Variants in XPR1 observed in about 807,000 individuals in gnomAD.
The protein encoded by XPR1 is solute carrier family 53 member 1.
XPR1 carries 28 observed loss-of-function variants against 87.5 expected under a neutral mutation model. That is an observed-to-expected ratio of 0.32 (90% CI 0.24 to 0.44). The LOEUF is 0.44. Ranked by LOEUF, XPR1 falls within the 20% of genes least tolerant of loss-of-function variation. The pLI is 1.00. For missense variants in XPR1, 559 were observed against 862.3 expected (o/e 0.65, Z 4.41); for synonymous variants, 300 against 306.1 (o/e 0.98, Z 0.21).
At chr1:180,783,305 G>C (rs1199067771) in intron 2 of XPR1, among the ~76,000 whole-genome samples, 1 of 151,828 alleles carries the variant, frequency 6.6e-6, no homozygotes, top group Non-Finnish European at 1.5e-5. Flanking sequence ...GGGCTGTTTA[G>C]TTTTTATTAT....
intron 7 of XPR1, among the ~76,000 whole-genome samples, chr1:180,817,058 G>T (rs1005013755): frequency 1.3e-5 from 2 of 151,936 alleles, no homozygotes; most frequent in Non-Finnish European, 1.5e-5. Context: ...GCTAATATGT[G>T]TGTTAATGCC....
intron 1 of XPR1, among the ~76,000 whole-genome samples, chr1:180,660,372 T>G (rs891158507): frequency 7.9e-5 from 12 of 152,114 alleles, no homozygotes; most frequent in Non-Finnish European, 1.2e-4. Context: ...ATCTTTATTA[T>G]TTCTTTTCTT....
intron 2 of XPR1, among the ~76,000 whole-genome samples, chr1:180,743,545 C>A (rs957183959): frequency 1.8e-4 from 28 of 152,048 alleles, no homozygotes; most frequent in African/African-American, 6.8e-4. Context: ...AAGAATAGTT[C>A]ATTATATATA....
At chr1:180,682,062 C>A (rs1307328364) in intron 1 of XPR1, among the ~76,000 whole-genome samples, 1 of 152,074 alleles carries the variant, frequency 6.6e-6, no homozygotes, top group African/African-American at 2.4e-5. Flanking sequence ...CTGTTTTCTT[C>A]AGTGTTTTTT....
chr1:180,682,284 A>G, intron 1 of XPR1, 76 bp from the exon 2 acceptor site: 1 of 1,193,084 alleles, frequency 8.4e-7, no homozygotes, highest in Non-Finnish European at 1.2e-6. Context: ...ATTGAAAAAG[A>G]ACTGTTTAGC....
At chr1:180,827,965 C>T (rs1305759577) in intron 9 of XPR1, among the ~76,000 whole-genome samples, 1 of 151,838 alleles carries the variant, frequency 6.6e-6, no homozygotes, top group Non-Finnish European at 1.5e-5. Flanking sequence ...CAACCTCCAC[C>T]TCCCAGGTTC....
chr1:180,653,526 T>TC lies in XPR1; in HGVS notation c.69+21263dup, dbSNP rs146444568. ...GCAATTATTGGGCAAGGTACAGTAG[T>TC]CCCCCCCTTATCCACAGGGGATACA... On this transcript the variant is annotated intron_variant, in intron 1 of 14. Coordinates refer to ENST00000367590, the MANE Select transcript of XPR1 (RefSeq NM_004736.4). 7.9e-5 allele frequency among the ~76,000 whole-genome samples: 12 copies of TC among 151,436 alleles called. No individual in the cohort carries two copies. The East Asian group carries it at 9.7e-4, about 12-fold the overall frequency.
intron 1 of XPR1, among the ~76,000 whole-genome samples, chr1:180,643,833 T>A (rs1655029926): frequency 6.6e-6 from 1 of 152,062 alleles, no homozygotes; most frequent in Admixed American, 6.6e-5. Context: ...ACTGAAGGGA[T>A]AAATAAATGC....
chr1:180,637,805 C>T (rs948533431), intron 1 of XPR1, among the ~76,000 whole-genome samples: 2 of 152,180 alleles, frequency 1.3e-5, no homozygotes, highest in Non-Finnish European at 2.9e-5. Flanking sequence ...CCGCCTGCCT[C>T]AGCCTCCCAA....
intron 2 of XPR1, among the ~76,000 whole-genome samples, chr1:180,684,796 T>C (rs1455437977): frequency 6.6e-6 from 1 of 152,232 alleles, no homozygotes; most frequent in Non-Finnish European, 1.5e-5. Flanking sequence ...GTTTGTCTGT[T>C]ATTGGTGTAT....
intron 9 of XPR1, among the ~76,000 whole-genome samples, chr1:180,826,211 C>T (rs542774403): frequency 2.6e-5 from 4 of 152,196 alleles, no homozygotes; most frequent in Middle Eastern, 3.4e-3. Context: ...AAGATAACTC[C>T]GGAAGGGGAC....
chr1:180,650,714 A>G (rs948871190), intron 1 of XPR1, among the ~76,000 whole-genome samples: 1 of 152,212 alleles, frequency 6.6e-6, no homozygotes, highest in African/African-American at 2.4e-5. Context: ...ATTTGAAGGC[A>G]GTAGAGAAAG....
At position 180,758,925 on chromosome 1, in the gene XPR1, C is replaced by T. The variant is rs571775120; in HGVS notation, c.122-28828C>T. On this transcript the variant is annotated intron_variant, in intron 2 of 14. Coordinates refer to ENST00000367590, the MANE Select transcript of XPR1 (RefSeq NM_004736.4). ...AATTATAACAAACTGTCTCTCAGACCACAGTGCAATCAAACTAGAACTCAG... is the reference window on the plus strand; with the variant it reads ...AATTATAACAAACTGTCTCTCAGACTACAGTGCAATCAAACTAGAACTCAG... 3.3e-5 allele frequency: 5 copies of T among 152,410 alleles called. No homozygotes were observed. The South Asian group carries it at 1.0e-3, about 32-fold the overall frequency. The allele number at this position is 152,410 out of a possible 1,614,324, so 9.4% of individuals were successfully genotyped here. A position where few individuals can be genotyped will look rare whatever the true frequency, so the allele number is the denominator to read the frequency against.
intron 1 of XPR1, among the ~76,000 whole-genome samples, chr1:180,670,814 G>GAAGT (rs1656144452): frequency 6.6e-6 from 1 of 152,126 alleles, no homozygotes. Context: ...AACTTCTTCA[G>GAAGT]CTGTTTGAGA....
intron 3 of XPR1, 46 bp downstream of exon 3, chr1:180,787,900 A>G: frequency 7.4e-7 from 1 of 1,345,638 alleles, no homozygotes; most frequent in Non-Finnish European, 1.1e-6. Context: ...GGAAGGATAA[A>G]TTGTACCATA....
rs369084811 is a variant in XPR1 at position 180,729,257 on chromosome 1, G to A, written c.121+46846G>A. On this transcript the variant is annotated intron_variant, in intron 2 of 14. Coordinates refer to ENST00000367590, the MANE Select transcript of XPR1 (RefSeq NM_004736.4). ...CAGTATACCATTGATGGGCATTTAG[G>A]TTGATTCCCTGTCTTCGCTGTTGTG... 3.9e-3 allele frequency among the ~76,000 whole-genome samples: 588 copies of A among 152,284 alleles called. 3 individuals are homozygous for A. The highest frequency in any genetic ancestry group is 0.013 in the African/African-American group (558 of 41,554).
chr1:180,741,984 T>C (rs1658936627), intron 2 of XPR1, among the ~76,000 whole-genome samples: 1 of 152,212 alleles, frequency 6.6e-6, no homozygotes, highest in Non-Finnish European at 1.5e-5. Flanking sequence ...ATGTCTGTAG[T>C]TCTTCCCTAT....
intron 2 of XPR1, among the ~76,000 whole-genome samples, chr1:180,775,837 A>C (rs1166768036): frequency 6.6e-6 from 1 of 152,186 alleles, no homozygotes. Context: ...GTCCTTTAAG[A>C]GAATTCATTT....
chr1:180,887,794 C>A lies in XPR1; in HGVS notation c.*3728C>A, dbSNP rs1041592116. On this transcript the variant is annotated 3_prime_UTR_variant, in exon 15 of 15. Transcript: ENST00000367590. ...AGAGTTCTGTGACTTTAACTGAGCT[C>A]TTTACCAGAAGTAACGTGTTGATGT... The A allele has an allele frequency of 6.6e-6, 1 of 152,368 alleles. No homozygotes were observed. The highest frequency in any genetic ancestry group is 1.9e-4 in the East Asian group (1 of 5,192). 9.4% of individuals were successfully genotyped at this position (152,368 alleles called of 1,614,324 possible).
Sources: gnomAD v4.1 joint callset for allele counts (sites outside exome capture counted in the v4.1 genomes callset) on GRCh38, gnomAD v4.1.1 for gene constraint, MANE v1.5 for transcripts, NCBI Gene and HGNC (gene_info 2026-07-23, HGNC 2026-07-21) for gene names.